SCMH1: variants seen among roughly 807,000 people sequenced by gnomAD.
SCMH1 encodes polycomb protein SCMH1.
Under a neutral mutation model 70.8 loss-of-function variants are expected in SCMH1, and 37 were observed. The ratio of observed to expected loss-of-function variants is 0.52; its 90% CI spans 0.40 to 0.69. The LOEUF (loss-of-function observed/expected upper bound fraction) is 0.69. Among genes scored for constraint, SCMH1 ranks in the 30% least tolerant of loss-of-function variants. SCMH1 has a pLI of 0.00. For missense variants in SCMH1, 607 were observed against 827.3 expected, an observed-to-expected ratio of 0.73 and a Z score of 3.27; for synonymous variants, 292 against 307.4, an observed-to-expected ratio of 0.95 and a Z score of 0.52.
chr1:41,047,783 C>T (rs1223435833), intron 11 of SCMH1, among the ~76,000 whole-genome samples: 1 of 152,188 alleles, frequency 6.6e-6, no homozygotes, highest in Non-Finnish European at 1.5e-5. Context: ...TGGGTTCCCA[C>T]ACCACTCTGT....
Position 41,074,819 on chromosome 1 carries a change from T to C in SCMH1, c.978+400A>G, listed in dbSNP as rs560010607. 2.0e-5 allele frequency among the ~76,000 whole-genome samples: 3 copies of C among 152,324 alleles called. No homozygotes were observed. The East Asian group carries it at 5.8e-4, about 29-fold the overall frequency. ...ACAAGATAGAGAAGAGGGCCAGATG[T>C]GCCCCTTTCCAAGAGAGATGGGTAT... On this transcript the variant is annotated intron_variant, in intron 9 of 14. Transcript: ENST00000337495.
intron 1 of SCMH1, among the ~76,000 whole-genome samples, chr1:41,212,295 G>C (rs527293890): frequency 7.5e-4 from 114 of 152,168 alleles, no homozygotes; most frequent in African/African-American, 2.5e-3. Flanking sequence ...TATAATTTTA[G>C]CTTTTCATTC....
chr1:41,142,129 A>G (rs553654269), intron 6 of SCMH1, among the ~76,000 whole-genome samples: 1 of 152,132 alleles, frequency 6.6e-6, no homozygotes, highest in Non-Finnish European at 1.5e-5. Flanking sequence ...TTACATTACA[A>G]ATTTTTTTTT....
chr1:41,221,919 A>C (rs1659377830), intron 1 of SCMH1, among the ~76,000 whole-genome samples: 1 of 150,488 alleles, frequency 6.6e-6, no homozygotes, highest in South Asian at 2.1e-4. Context: ...AAAAAAAAAA[A>C]AAAGCTAGGA....
intron 8 of SCMH1, among the ~76,000 whole-genome samples, chr1:41,091,009 G>A (rs1170629383): frequency 4.7e-5 from 7 of 147,466 alleles, no homozygotes; most frequent in East Asian, 4.0e-4. Flanking sequence ...ACTGCACTCC[G>A]GCCTGGGCGA....
At chr1:41,039,387 G>A (rs1380408630) in intron 12 of SCMH1, among the ~76,000 whole-genome samples, 2 of 152,202 alleles carry the variant, frequency 1.3e-5, no homozygotes, top group African/African-American at 4.8e-5. Flanking sequence ...AAAGCATCAT[G>A]CTCCAAAGCT....
chr1:41,199,923 G>A (rs773984734), intron 1 of SCMH1, among the ~76,000 whole-genome samples: 11 of 152,128 alleles, frequency 7.2e-5, no homozygotes, highest in South Asian at 4.2e-4. Context: ...TCCTCTTTTC[G>A]GTTTCCTTAT....
chr1:41,189,360 A>G (rs895300120), intron 1 of SCMH1, among the ~76,000 whole-genome samples: 10 of 152,168 alleles, frequency 6.6e-5, no homozygotes, highest in African/African-American at 2.4e-4. Context: ...CATGTTGGCC[A>G]GGTTGGTCTT....
intron 10 of SCMH1, among the ~76,000 whole-genome samples, chr1:41,050,919 A>G (rs79733953): frequency 0.078 from 11,884 of 152,246 alleles, 601 homozygotes; most frequent in South Asian, 0.13. Context: ...ACATCTAGTA[A>G]TGTGACTCTT....
Position 41,205,212 on chromosome 1 carries a change from C to T in SCMH1, c.-117-18962G>A, listed in dbSNP as rs533698194. On this transcript the variant is annotated intron_variant, in intron 1 of 14. Coordinates refer to ENST00000337495, the Ensembl canonical transcript of SCMH1. Reference sequence around the variant, plus strand: ...CTGGTTGGACAGTGGATACAGCCCACGGAGGGCAAGCCGAAGCATGACGGG... The same window carrying T: ...CTGGTTGGACAGTGGATACAGCCCATGGAGGGCAAGCCGAAGCATGACGGG... 7.2e-5 allele frequency among the ~76,000 whole-genome samples: 11 copies of T among 152,240 alleles called. No individual in the cohort carries two copies. In the South Asian group the frequency reaches 8.3e-4, roughly 11 times the overall value.
chr1:41,113,685 ATATT>A lies in SCMH1; in HGVS notation c.502-163_502-160del, dbSNP rs1404840295. On this transcript the variant is annotated intron_variant, in intron 7 of 14. Transcript: ENST00000337495. The surrounding 1 kb of genome is among the most constrained non-coding windows in gnomAD (Gnocchi z 4.3). ...AATTAATTTTAAATTCAATATTTCA[ATATT>A]TAAAGTATTACTTTATTAATCCTAA... Among the ~76,000 whole-genome samples the A allele has an allele frequency of 6.6e-6, 1 of 152,200 alleles. No homozygotes were observed. The highest frequency in any genetic ancestry group is 6.5e-5 in the Admixed American group (1 of 15,280).
At chr1:41,040,490 T>G (rs116699164) in intron 12 of SCMH1, among the ~76,000 whole-genome samples, 2 of 151,802 alleles carry the variant, frequency 1.3e-5, no homozygotes, top group African/African-American at 4.8e-5. Flanking sequence ...AAGAAGAAGA[T>G]TGGAGGTAGA....
rs1674343315 is a variant in SCMH1, at chr1:41,130,357, C to T, written c.412+12521G>A. ...GCCTTTTCACTATGTCAATAGTGTC[C>T]TTTGATGCACAAAAGTTTTGAATTT... On this transcript the variant is annotated intron_variant, in intron 6 of 14. Transcript: ENST00000337495. Among the ~76,000 whole-genome samples, 6 of 151,726 alleles carry T rather than the reference C, an allele frequency of 4.0e-5. No homozygotes were observed. In the South Asian group the frequency reaches 1.2e-3, roughly 32 times the overall value.
At position 41,202,426 on chromosome 1, in the gene SCMH1, C is replaced by T. The variant is rs897670199; in HGVS notation, c.-117-16176G>A. Among the ~76,000 whole-genome samples, 5 of 152,068 alleles carry T rather than the reference C, an allele frequency of 3.3e-5. No individual in the cohort carries two copies. In the South Asian group the frequency reaches 1.0e-3, roughly 32 times the overall value. ...TTTTGACCTAGTAATTCATCCCTTA[C>T]TTTCATAAAATCTACTTTAATTCTT... On this transcript the variant is annotated intron_variant, in intron 1 of 14. Coordinates refer to ENST00000337495, the Ensembl canonical transcript of SCMH1.
intron 1 of SCMH1, among the ~76,000 whole-genome samples, chr1:41,219,449 G>T (rs1181863864): frequency 6.6e-6 from 1 of 152,190 alleles, no homozygotes; most frequent in Non-Finnish European, 1.5e-5. Flanking sequence ...CTGAAATGGG[G>T]CAAGTCTTGT....
chr1:41,143,301 A>T (rs1166222001), intron 5 of SCMH1, among the ~76,000 whole-genome samples, 189 bp from the exon 6 acceptor site: 1 of 152,152 alleles, frequency 6.6e-6, no homozygotes, highest in East Asian at 1.9e-4. Flanking sequence ...TTTCCAACGA[A>T]GCATCAAATA....
intron 8 of SCMH1, among the ~76,000 whole-genome samples, chr1:41,092,848 G>A (rs1002784648): frequency 6.6e-6 from 1 of 152,066 alleles, no homozygotes; most frequent in African/African-American, 2.4e-5. Flanking sequence ...AGTTAGAATG[G>A]CGATCATTAA....
At chr1:41,188,918 G>C (rs987988502) in intron 1 of SCMH1, among the ~76,000 whole-genome samples, 17 of 152,130 alleles carry the variant, frequency 1.1e-4, no homozygotes, top group African/African-American at 4.1e-4. Flanking sequence ...ACAGAAAAAA[G>C]ATGCATCAAA....
At chr1:41,035,444 G>A (rs1355688345) in intron 13 of SCMH1, among the ~76,000 whole-genome samples, 2 of 152,156 alleles carry the variant, frequency 1.3e-5, no homozygotes, top group Non-Finnish European at 2.9e-5. Context: ...GGGCCCTGAG[G>A]TTTCCTGCAA....
Sources: allele counts gnomAD v4.1 joint callset (sites outside exome capture counted in the v4.1 genomes callset), GRCh38; gene constraint gnomAD v4.1.1; non-coding constraint Gnocchi (gnomAD v3.1); transcripts MANE v1.5; gene names NCBI Gene and HGNC (gene_info 2026-07-23, HGNC 2026-07-21).